Variants in ADAMTS15 observed in about 807,000 individuals in gnomAD.
ADAMTS15 encodes ADAM metallopeptidase with thrombospondin type 1 motif 15.
Under a neutral mutation model 79.1 loss-of-function variants are expected in ADAMTS15, and 35 were observed. The ratio of observed to expected loss-of-function variants is 0.44; its 90% confidence interval spans 0.34 to 0.59. ADAMTS15 has a LOEUF of 0.59. ADAMTS15 is among the 20% of genes least tolerant of loss of function. ADAMTS15 has a pLI of 0.02. For missense variants in ADAMTS15, 1,324 were observed against 1,318.7 expected, an observed-to-expected ratio of 1.00 and a Z score of -0.06; for synonymous variants, 616 against 567.3, an observed-to-expected ratio of 1.09 and a Z score of -1.22.
intron 1 of ADAMTS15, among the ~76,000 whole-genome samples, chr11:130,454,378 G>A (rs1414513796): frequency 1.3e-5 from 2 of 152,194 alleles, no homozygotes; most frequent in Admixed American, 1.3e-4. Context: ...CCTACACTGC[G>A]CAGAGCGGAA....
Position 130,471,365 on chromosome 11 carries a change from G to C in ADAMTS15, c.2060G>C (p.Gly687Ala). The C allele has an allele frequency of 1.2e-6, 2 of 1,609,918 alleles. No individual in the cohort carries two copies. The highest frequency in any genetic ancestry group is 1.7e-6 in the Non-Finnish European group (2 of 1,179,128). Reference sequence around the variant, plus strand: ...AATAAGAGCTGCAAGAAGGTGACTGGACTCTTCACCAAGCCCATGTGAGTT... The same window carrying C: ...AATAAGAGCTGCAAGAAGGTGACTGCACTCTTCACCAAGCCCATGTGAGTT... The part of the protein sequence containing the change: ...GDNKSCKKVT[G>A]LFTKPMHGYN... The change falls in exon 7 of 8, where the codon GGA becomes GCA. Residue 687 changes from glycine (G) to alanine (A), a missense_variant. Transcript: ENST00000299164.
At position 130,448,903 on chromosome 11, in the gene ADAMTS15, G is replaced by C. The variant is rs1343771641; in HGVS notation, c.-71G>C. ...GCGGTTCCAGAGTGCGGGCTGCACG[G>C]AGACCGCGGCAGCGGCCGGAGAGCC... On this transcript the variant is annotated 5_prime_UTR_variant, in exon 1 of 8. Transcript: ENST00000299164. The C allele has an allele frequency of 7.9e-7, 1 of 1,261,368 alleles. No homozygotes were observed. Among genetic ancestry groups the C allele is most frequent in the Admixed American group, 2.8e-5 (1 of 35,138 alleles). The allele number at this position is 1,261,368 out of a possible 1,614,324, so 78.1% of individuals were successfully genotyped here.
chr11:130,473,111 G>A lies in ADAMTS15; in HGVS notation c.2143G>A (p.Gly715Ser), dbSNP rs759091478. 8.7e-6 allele frequency: 14 copies of A among 1,613,940 alleles called. No homozygotes were observed. The highest frequency in any genetic ancestry group is 6.7e-5 in the African/African-American group (5 of 74,938). ...CTCAAGCATCGACATCCGCCAGCGC[G>A]GTTACAAAGGGCTGATCGGGGATGA... ...GASSIDIRQR[G>S]YKGLIGDDNY... The change falls in exon 8 of 8, where the codon GGT (glycine) becomes AGT (serine). Residue 715 changes from glycine (G) to serine (S), a missense_variant. Physicochemically the swap from Gly to Ser is moderately conservative, Grantham distance 56. Transcript: ENST00000299164.
Position 130,449,849 on chromosome 11 carries a change from C to A in ADAMTS15, c.876C>A (p.Phe292Leu). 3 of 1,607,320 alleles carry A rather than the reference C, an allele frequency of 1.9e-6. No individual in the cohort carries two copies. Among genetic ancestry groups the A allele is most frequent in the Admixed American group, 1.7e-5 (1 of 60,026 alleles). The change falls in exon 1 of 8, where the codon TTC (phenylalanine) becomes TTA (leucine). Residue 292 changes from phenylalanine (F) to leucine (L), a missense_variant. Physicochemically the swap from Phe to Leu is conservative, Grantham distance 22 (BLOSUM62 0). Transcript: ENST00000299164. This position sits in a 1 kb window ranked among gnomAD's most constrained non-coding sequence, Gnocchi z 7.8. ...TGNAALTLRN[F>L]CAWQKKLNKV... ...ATGCGGCCCTGACGCTGCGCAACTT[C>A]TGTGCCTGGCAGAAGAAGCTGAACA...
chr11:130,449,107 C>T lies in ADAMTS15; in HGVS notation c.134C>T (p.Pro45Leu), dbSNP rs1204262193. The stretch of plus-strand genomic sequence containing the variant: ...GGCCGCCGCTACTACTGGCGGGGTC[C>T]CGAGGACTCCGGGGATCAGGGACTC... ...INGRRYYWRGPEDSGDQGLIF... is the reference protein window; with the variant it reads ...INGRRYYWRGLEDSGDQGLIF... Residue 45 changes from proline to leucine, a missense_variant, in exon 1 of 8, where the codon CCC (proline) becomes CTC (leucine). Transcript: ENST00000299164. This position sits in a 1 kb window ranked among gnomAD's most constrained non-coding sequence, Gnocchi z 7.8. The T allele has an allele frequency of 1.3e-6, 2 of 1,585,584 alleles. No individual in the cohort carries two copies. The highest frequency in any genetic ancestry group is 1.7e-6 in the Non-Finnish European group (2 of 1,161,964).
At chr11:130,467,705 C>T (rs909055295) in intron 4 of ADAMTS15, among the ~76,000 whole-genome samples, 1 of 150,674 alleles carries the variant, frequency 6.6e-6, no homozygotes, top group Non-Finnish European at 1.5e-5. Context: ...ATTTCACTGT[C>T]ATTCTAAGGA....
At chr11:130,461,833 C>T (rs1337400589) in intron 2 of ADAMTS15, among the ~76,000 whole-genome samples, 1 of 152,208 alleles carries the variant, frequency 6.6e-6, no homozygotes, top group Non-Finnish European at 1.5e-5. Flanking sequence ...AGTGTCTCAG[C>T]ACTTAGGCAC....
At chr11:130,468,764 C>CAA (rs34961681) in intron 4 of ADAMTS15, among the ~76,000 whole-genome samples, 1,793 of 77,950 alleles carry the variant, frequency 0.023, 72 homozygotes, top group African/African-American at 0.078. Context: ...GACTCCATCT[C>CAA]AAAAAAAAAA....
chr11:130,468,582 G>A (rs367897210), intron 4 of ADAMTS15, among the ~76,000 whole-genome samples: 11 of 151,866 alleles, frequency 7.2e-5, no homozygotes, highest in African/African-American at 2.4e-4. Context: ...TGGCTAACAC[G>A]GTGAAACCCC....
intron 1 of ADAMTS15, among the ~76,000 whole-genome samples, chr11:130,457,073 A>G (rs1938097023): frequency 6.6e-6 from 1 of 152,010 alleles, no homozygotes; most frequent in Non-Finnish European, 1.5e-5. Flanking sequence ...TCTCTACTCA[A>G]AATGCAAAAA....
Position 130,470,914 on chromosome 11 carries a change from C to G in ADAMTS15, c.1721-6C>G, listed in dbSNP as rs2134739504. On this transcript the variant is annotated splice_region_variant and splice_polypyrimidine_tract_variant and intron_variant, in intron 5 of 7. Transcript: ENST00000299164. ...CAACTTCTTTCTTATGCTTCTCCCT[C>G]CCTAGCCTCCGGAAAGAGCTTCCGG... is the stretch of plus-strand genomic sequence containing the variant. The G allele has an allele frequency of 6.2e-7, 1 of 1,612,002 alleles. No individual in the cohort carries two copies. Among genetic ancestry groups the G allele is most frequent in the South Asian group, 1.1e-5 (1 of 90,830 alleles).
chr11:130,473,358 C>T lies in ADAMTS15; in HGVS notation c.2390C>T (p.Ser797Phe), dbSNP rs1565399715. Residue 797 changes from serine to phenylalanine, a missense_variant, in exon 8 of 8, where the codon TCC (serine) becomes TTC (phenylalanine). Transcript: ENST00000299164. ...GKMTPPRVRY[S>F]FYLPKEPRED... ...ATGACACCGCCCCGGGTCCGCTACTCCTTCTATCTGCCCAAAGAGCCTCGG... is the reference window on the plus strand; with the variant it reads ...ATGACACCGCCCCGGGTCCGCTACTTCTTCTATCTGCCCAAAGAGCCTCGG... 1 of 1,612,918 alleles carries T rather than the reference C, an allele frequency of 6.2e-7. No individual in the cohort carries two copies.
chr11:130,450,114 C>T (rs928644377), intron 1 of ADAMTS15, 184 bp downstream of exon 1: 1 of 985,394 alleles, frequency 1.0e-6, no homozygotes, highest in Admixed American at 6.1e-5. Context: ...GGAGCGGCGG[C>T]TCACGTGCAT....
chr11:130,470,166 A>ATATACG (rs1938408626), intron 5 of ADAMTS15, among the ~76,000 whole-genome samples: 1 of 57,606 alleles, frequency 1.7e-5, no homozygotes, highest in Non-Finnish European at 3.3e-5. Context: ...ATATATATAT[A>ATATACG]TATATATATA....
chr11:130,473,667 G>A lies in ADAMTS15; in HGVS notation c.2699G>A (p.Ser900Asn), dbSNP rs1409545276. ...CGEPCPTWEL[S>N]AWSPCSKSCG... ...GAGCCCTGCCCCACCTGGGAGCTCA[G>A]CGCCTGGTCACCCTGCTCCAAGAGC... The change falls in exon 8 of 8, where the codon AGC (serine) becomes AAC (asparagine). Residue 900 changes from serine (S) to asparagine (N), a missense_variant. Ser to Asn is a conservative substitution (Grantham distance 46). Coordinates refer to ENST00000299164, the MANE Select transcript of ADAMTS15 (RefSeq NM_139055.4). 3 of 1,605,582 alleles carry A rather than the reference G, an allele frequency of 1.9e-6. No individual in the cohort carries two copies. The highest frequency in any genetic ancestry group is 1.3e-5 in the African/African-American group (1 of 75,066).
intron 5 of ADAMTS15, among the ~76,000 whole-genome samples, chr11:130,470,181 T>TACACAC (rs1565397812): frequency 9.9e-5 from 4 of 40,216 alleles, no homozygotes; most frequent in Non-Finnish European, 1.4e-4. Context: ...TATATATATA[T>TACACAC]GTGTGTATAT....
chr11:130,458,804 C>T (rs1225412489), intron 1 of ADAMTS15, among the ~76,000 whole-genome samples: 1 of 152,138 alleles, frequency 6.6e-6, no homozygotes, highest in African/African-American at 2.4e-5. Flanking sequence ...TAGGTGCCTG[C>T]CCCCGCAGGC....
At chr11:130,465,057 A>G (rs1319730646) in intron 4 of ADAMTS15, among the ~76,000 whole-genome samples, 1 of 152,106 alleles carries the variant, frequency 6.6e-6, no homozygotes, top group South Asian at 2.1e-4. Context: ...CAGGAGTCAT[A>G]TATTTCATTT....
chr11:130,468,049 C>G (rs1422666984), intron 4 of ADAMTS15, among the ~76,000 whole-genome samples: 1 of 152,164 alleles, frequency 6.6e-6, no homozygotes, highest in Non-Finnish European at 1.5e-5. Flanking sequence ...GTGGCCATGC[C>G]TTAGGGATGC....
Sources: gnomAD v4.1 joint callset for allele counts (sites outside exome capture counted in the v4.1 genomes callset) on GRCh38, gnomAD v4.1.1 for gene constraint, Gnocchi (gnomAD v3.1) non-coding constraint, MANE v1.5 for transcripts, NCBI Gene and HGNC (gene_info 2026-07-23, HGNC 2026-07-21) for gene names.